The following ZNF471 variants were observed in gnomAD, a reference collection of about 807,000 sequenced individuals.
ZNF471 encodes the protein EZFIT-related protein 1.
A neutral mutation model predicts 13.7 loss-of-function variants in ZNF471; 7 were observed. The observed-to-expected ratio is 0.51, with a 90% confidence interval of 0.29 to 0.96. The LOEUF is 0.96. Ranked by LOEUF, ZNF471 falls within the 40% of genes least tolerant of loss-of-function variation. The pLI is 0.08. For synonymous variants in ZNF471, 218 were observed against 235.6 expected (o/e 0.93, Z 0.68); for missense variants, 663 against 743.3 (o/e 0.89, Z 1.26).
rs1040171956 is a variant in ZNF471 at position 56,510,173 on chromosome 19, T to A, written c.-55-1344T>A. 8.1e-6 allele frequency: 8 copies of A among 985,386 alleles called. No individual in the cohort carries two copies. In the African/African-American group the frequency reaches 1.4e-4, roughly 17 times the overall value. The allele number at this position is 985,386 out of a possible 1,614,324, so 61.0% of individuals were successfully genotyped here. A position where few individuals can be genotyped will look rare whatever the true frequency, so the allele number is the denominator to read the frequency against. ...GAGAGTGACCAGTATGTATTTTGTG[T>A]GCATGAGATAAAGCAGTTGGAATAT... On this transcript the variant is annotated intron_variant, in intron 1 of 4. Coordinates refer to ENST00000308031, the MANE Select transcript of ZNF471 (RefSeq NM_020813.4). This position sits in a 1 kb window ranked among gnomAD's most constrained non-coding sequence, Gnocchi z 4.3.
At position 56,516,739 on chromosome 19, in the gene ZNF471, A is replaced by G. The variant is rs753150491; in HGVS notation, c.160+338A>G. Reference sequence around the variant, plus strand: ...ACAAAGAATATATAGCTAGATTACTATAAATTCAGAATATCACTTTTAAAA... The same window carrying G: ...ACAAAGAATATATAGCTAGATTACTGTAAATTCAGAATATCACTTTTAAAA... On this transcript the variant is annotated intron_variant, in intron 3 of 4. Coordinates refer to ENST00000308031, the MANE Select transcript of ZNF471 (RefSeq NM_020813.4). The surrounding 1 kb of genome is among the most constrained non-coding windows in gnomAD (Gnocchi z 4.4). Among the ~76,000 whole-genome samples the G allele has an allele frequency of 2.6e-5, 4 of 152,264 alleles. No homozygotes were observed. Among genetic ancestry groups the G allele is most frequent in the Non-Finnish European group, 5.9e-5 (4 of 68,046 alleles).
At chr19:56,509,289 A>T (rs2043777582) in intron 1 of ZNF471, among the ~76,000 whole-genome samples, 1 of 152,182 alleles carries the variant, frequency 6.6e-6, no homozygotes. Flanking sequence ...ACCCAAAAGG[A>T]CTGGGTTCAT....
At position 56,508,026 on chromosome 19, in the gene ZNF471, G is replaced by GT. The variant is rs1233133729; in HGVS notation, c.-56+107dup. 8 of 985,654 alleles carry GT rather than the reference G, an allele frequency of 8.1e-6. No homozygotes were observed. The highest frequency in any genetic ancestry group is 9.6e-6 in the Non-Finnish European group (8 of 830,056). The allele number at this position is 985,654 out of a possible 1,614,324, so 61.1% of individuals were successfully genotyped here. A position where few individuals can be genotyped will look rare whatever the true frequency, so the allele number is the denominator to read the frequency against. ...TCGCGAAGGCCCAGCCGCGTCCTCTGTCCCCAGGACGACTACATTTCCCAG... is the reference window on the plus strand; with the variant it reads ...TCGCGAAGGCCCAGCCGCGTCCTCTGTTCCCCAGGACGACTACATTTCCCAG... On this transcript the variant is annotated intron_variant, in intron 1 of 4. Coordinates refer to ENST00000308031, the MANE Select transcript of ZNF471 (RefSeq NM_020813.4). This position sits in a 1 kb window ranked among gnomAD's most constrained non-coding sequence, Gnocchi z 4.7.
Position 56,524,637 on chromosome 19 carries a change from T to G in ZNF471, c.570T>G (p.Asn190Lys). The part of the protein sequence containing the change: ...HTSDKKSFSK[N>K]SMVIKHKKVY... ...CAGATAAAAAAAGCTTCTCCAAAAA[T>G]TCTATGGTAATAAAACACAAGAAAG... The change falls in exon 5 of 5, where the codon AAT becomes AAG. Residue 190 changes from asparagine to lysine, a missense_variant. Coordinates refer to ENST00000308031, the MANE Select transcript of ZNF471 (RefSeq NM_020813.4). This position sits in a 1 kb window ranked among gnomAD's most constrained non-coding sequence, Gnocchi z 4.8. The G allele has an allele frequency of 6.3e-7, 1 of 1,586,634 alleles. No individual in the cohort carries two copies.
chr19:56,509,783 G>C, intron 1 of ZNF471: 1 of 845,598 alleles, frequency 1.2e-6, no homozygotes, highest in Non-Finnish European at 1.4e-6. Context: ...TCTTAGAACT[G>C]TTTTGTGTTG....
chr19:56,511,028 T>A lies in ZNF471; in HGVS notation c.-55-489T>A, dbSNP rs565485901. On this transcript the variant is annotated intron_variant, in intron 1 of 4. Coordinates refer to ENST00000308031, the MANE Select transcript of ZNF471 (RefSeq NM_020813.4). ...GGGTCAGGGATGCAGTGGTGGGGAT[T>A]GAGTGAAGAAGGAGGATAACCCTGG... The A allele has an allele frequency of 7.1e-5, 70 of 984,708 alleles. No individual in the cohort carries two copies. The African/African-American group carries it at 1.2e-3, about 17-fold the overall frequency. 61.0% of individuals were successfully genotyped at this position (984,708 alleles called of 1,614,324 possible).
chr19:56,518,377 A>G (rs2043922520), intron 3 of ZNF471, 105 bp from the exon 4 acceptor site: 2 of 816,404 alleles, frequency 2.4e-6, no homozygotes, highest in Non-Finnish European at 4.0e-6. Flanking sequence ...TTTATCTCTT[A>G]TCTAGTATTC....
intron 1 of ZNF471, 115 bp from the exon 2 acceptor site, chr19:56,511,402 C>T: frequency 1.3e-6 from 1 of 754,690 alleles, no homozygotes. Flanking sequence ...ATAGGTTGCT[C>T]ATACCCAGTT....
chr19:56,519,696 G>A lies in ZNF471; in HGVS notation c.256+1119G>A, dbSNP rs144950864. Among the ~76,000 whole-genome samples the A allele has an allele frequency of 1.1e-4, 17 of 152,178 alleles. No homozygotes were observed. The East Asian group carries it at 2.3e-3, about 21-fold the overall frequency. ...GAATAATTTGGATCCTAAATTTCCC[G>A]TGTCCTCCAAATACAATAGTCCCCC... On this transcript the variant is annotated intron_variant, in intron 4 of 4. Coordinates refer to ENST00000308031, the MANE Select transcript of ZNF471 (RefSeq NM_020813.4).
chr19:56,521,648 A>AC (rs2043974129), intron 4 of ZNF471, among the ~76,000 whole-genome samples: 3 of 144,972 alleles, frequency 2.1e-5, no homozygotes, highest in African/African-American at 2.6e-5. Context: ...CAAAAAAAAA[A>AC]AAAAAAAAAA....
At chr19:56,519,467 C>A (rs1475172105) in intron 4 of ZNF471, among the ~76,000 whole-genome samples, 1 of 152,170 alleles carries the variant, frequency 6.6e-6, no homozygotes, top group Non-Finnish European at 1.5e-5. Context: ...CCATCCCAAC[C>A]CAATAACTGT....
In ZNF471 at chr19:56,510,716, A is replaced by G. The variant is rs1450740070; in HGVS notation, c.-55-801A>G. ...TATGACTGCTGTGTATGGAGAGACT[A>G]CTTGGAAGATTGATAGGATTGGATT... On this transcript the variant is annotated intron_variant, in intron 1 of 4. Transcript: ENST00000308031. This position sits in a 1 kb window ranked among gnomAD's most constrained non-coding sequence, Gnocchi z 4.3. The G allele has an allele frequency of 1.0e-6, 1 of 985,348 alleles. No homozygotes were observed. The highest frequency in any genetic ancestry group is 6.2e-5 in the Admixed American group (1 of 16,258). The allele number at this position is 985,348 out of a possible 1,614,324, so 61.0% of individuals were successfully genotyped here.
intron 4 of ZNF471, among the ~76,000 whole-genome samples, chr19:56,521,393 C>T (rs1289858596): frequency 6.6e-6 from 1 of 152,170 alleles, no homozygotes; most frequent in Non-Finnish European, 1.5e-5. Context: ...AATCCCAGCA[C>T]TTTGGGAGGC....
rs5828685 is a variant in ZNF471, at chr19:56,528,421, TAAA to T, written c.*2480_*2482del. On this transcript the variant is annotated 3_prime_UTR_variant, in exon 5 of 5. Coordinates refer to ENST00000308031, the MANE Select transcript of ZNF471 (RefSeq NM_020813.4). ...ACCAAAACAGTATCTTTTTTTAAGCTAAAAAAAAAGTTTTAAATGGTGTCTTTC... is the reference window on the plus strand; with the variant it reads ...ACCAAAACAGTATCTTTTTTTAAGCTAAAAAAGTTTTAAATGGTGTCTTTC... 5 of 151,544 alleles carry T rather than the reference TAAA, an allele frequency of 3.3e-5. No homozygotes were observed. Among genetic ancestry groups the T allele is most frequent in the African/African-American group, 1.2e-4 (5 of 41,296 alleles). The allele number at this position is 151,544 out of a possible 1,614,324, so 9.4% of individuals were successfully genotyped here.
Position 56,516,145 on chromosome 19 carries a change from TG to T in ZNF471, c.34-128del, listed in dbSNP as rs1435099616. ...CACTTCCATAAGTACTGTTTTGGCT[TG>T]GATCTTCCTATTTATGTTTTTTCTC... On this transcript the variant is annotated intron_variant, in intron 2 of 4. Coordinates refer to ENST00000308031, the MANE Select transcript of ZNF471 (RefSeq NM_020813.4). This position sits in a 1 kb window ranked among gnomAD's most constrained non-coding sequence, Gnocchi z 4.4. The T allele has an allele frequency of 1.1e-6, 1 of 907,094 alleles. No individual in the cohort carries two copies. The highest frequency in any genetic ancestry group is 1.7e-5 in the African/African-American group (1 of 59,678). The allele number at this position is 907,094 out of a possible 1,614,324, so 56.2% of individuals were successfully genotyped here.
chr19:56,518,176 A>G (rs933068683), intron 3 of ZNF471, among the ~76,000 whole-genome samples: 1 of 152,154 alleles, frequency 6.6e-6, no homozygotes. Context: ...AAAGCAGGCA[A>G]TTATCTCAAA....
intron 4 of ZNF471, among the ~76,000 whole-genome samples, chr19:56,520,741 C>T (rs2043958089): frequency 1.3e-5 from 2 of 152,170 alleles, no homozygotes; most frequent in African/African-American, 4.8e-5. Context: ...GAAAGCCAGC[C>T]CATGCCATGG....
Position 56,524,252 on chromosome 19 carries a change from C to T in ZNF471, c.257-72C>T, listed in dbSNP as rs1490237279. ...AGATTTATTAAATATTTTTAAATTA[C>T]CTTTTTCACAATGTCTCCTTTGTTG... On this transcript the variant is annotated intron_variant, in intron 4 of 4. Transcript: ENST00000308031. The surrounding 1 kb of genome is among the most constrained non-coding windows in gnomAD (Gnocchi z 4.8). 9 of 1,095,124 alleles carry T rather than the reference C, an allele frequency of 8.2e-6. No homozygotes were observed. The highest frequency in any genetic ancestry group is 1.2e-5 in the Non-Finnish European group (9 of 775,536). The allele number at this position is 1,095,124 out of a possible 1,614,324, so 67.8% of individuals were successfully genotyped here.
rs745808176 is a variant in ZNF471, at chr19:56,525,070, C to G, written c.1003C>G (p.Arg335Gly). 2 of 1,613,504 alleles carry G rather than the reference C, an allele frequency of 1.2e-6. No individual in the cohort carries two copies. Among genetic ancestry groups the G allele is most frequent in the Admixed American group, 3.3e-5 (2 of 59,966 alleles). The stretch of plus-strand genomic sequence containing the variant: ...CTTCAGTGATGGCTCGTCTTTTGCT[C>G]GACATCAGAGATGTCACACTGGCAA... ...KAFSDGSSFA[R>G]HQRCHTGKRP... is the part of the protein sequence containing the mutation. Residue 335 changes from arginine (R) to glycine (G), a missense_variant, in exon 5 of 5, where the codon CGA becomes GGA. Coordinates refer to ENST00000308031, the MANE Select transcript of ZNF471 (RefSeq NM_020813.4).
Sources: allele counts gnomAD v4.1 joint callset (sites outside exome capture counted in the v4.1 genomes callset), GRCh38; gene constraint gnomAD v4.1.1; non-coding constraint Gnocchi (gnomAD v3.1); transcripts MANE v1.5; gene names NCBI Gene and HGNC (gene_info 2026-07-23, HGNC 2026-07-21).